POT1: variants seen among roughly 807,000 people sequenced by gnomAD.
POT1 encodes the protein protection of telomeres protein 1.
POT1 carries 47 observed loss-of-function variants against 78.5 expected under a neutral mutation model. The ratio of observed to expected loss-of-function variants is 0.60; its 90% confidence interval spans 0.47 to 0.76. The LOEUF (loss-of-function observed/expected upper bound fraction) is 0.76. POT1 is among the 30% of genes least tolerant of loss of function. The pLI is 0.00. For synonymous variants in POT1, 259 were observed against 260.7 expected, an observed-to-expected ratio of 0.99 and a Z score of 0.06; for missense variants, 646 against 749.9, an observed-to-expected ratio of 0.86 and a Z score of 1.62.
intron 2 of POT1, among the ~76,000 whole-genome samples, chr7:124,927,414 T>C (rs1797300459): frequency 6.6e-6 from 1 of 152,150 alleles, no homozygotes; most frequent in African/African-American, 2.4e-5. Context: ...TTTCCAGCTA[T>C]AAAATGAGAA....
intron 8 of POT1, 29 bp downstream of exon 8, chr7:124,863,321 T>C: frequency 6.3e-7 from 1 of 1,587,036 alleles, no homozygotes; most frequent in Non-Finnish European, 8.6e-7. Context: ...GGTGCTAACT[T>C]ATAATTCCCA....
At chr7:124,917,043 C>A (rs952048512) in intron 2 of POT1, among the ~76,000 whole-genome samples, 6 of 152,152 alleles carry the variant, frequency 3.9e-5, no homozygotes, top group African/African-American at 1.4e-4. Flanking sequence ...CAGAAAAAAA[C>A]ACCTTCTATC....
At chr7:124,888,355 C>T (rs1051396122) in intron 6 of POT1, among the ~76,000 whole-genome samples, 1 of 152,010 alleles carries the variant, frequency 6.6e-6, no homozygotes, top group East Asian at 1.9e-4. Flanking sequence ...ACCATACTGT[C>T]GCAATACTGT....
intron 13 of POT1, among the ~76,000 whole-genome samples, chr7:124,842,448 G>T (rs1257001490): frequency 6.6e-6 from 1 of 151,872 alleles, no homozygotes; most frequent in East Asian, 1.9e-4. Context: ...CACTTAATTA[G>T]ATATTTCAAG....
intron 6 of POT1, among the ~76,000 whole-genome samples, chr7:124,872,375 T>C (rs1795893603): frequency 1.3e-5 from 2 of 152,180 alleles, no homozygotes; most frequent in Admixed American, 1.3e-4. Flanking sequence ...ACAGTTTCAG[T>C]TTCCTGCAGT....
chr7:124,837,229 TTAAAGA>T (rs1252289106), intron 14 of POT1: 1 of 288,712 alleles, frequency 3.5e-6, no homozygotes, highest in African/African-American at 2.3e-5. Context: ...GTTATGAGAG[TTAAAGA>T]TAAAATACTA....
rs1297114703 is a variant in POT1 at position 124,912,115 on chromosome 7, T to C, written c.-154+3459A>G. Among the ~76,000 whole-genome samples the C allele has an allele frequency of 4.6e-5, 7 of 152,260 alleles. No homozygotes were observed. The East Asian group carries it at 1.2e-3, about 25-fold the overall frequency. On this transcript the variant is annotated intron_variant, in intron 3 of 18. Coordinates refer to ENST00000357628, the MANE Select transcript of POT1 (RefSeq NM_015450.3). The stretch of plus-strand genomic sequence containing the variant: ...TCACTGAGGCTGTATCTAATTACAA[T>C]AATAGTAATGACAATAATAATAGTT...
chr7:124,915,458 T>C (rs1234171632), intron 3 of POT1, 116 bp downstream of exon 3: 1 of 152,200 alleles, frequency 6.6e-6, no homozygotes, highest in Non-Finnish European at 1.5e-5. Context: ...TGCAATGGTC[T>C]AGATATGAGA....
Position 124,928,867 on chromosome 7 carries a change from A to G in POT1, c.-279T>C, listed in dbSNP as rs1362760639. Reference sequence around the variant, plus strand: ...ACCTGGCTGTAGGGATCCGAAATCTACTTTATGTAATTTACTCAGCGGCTG... The same window carrying G: ...ACCTGGCTGTAGGGATCCGAAATCTGCTTTATGTAATTTACTCAGCGGCTG... On this transcript the variant is annotated 5_prime_UTR_variant, in exon 2 of 19. Coordinates refer to ENST00000357628, the MANE Select transcript of POT1 (RefSeq NM_015450.3). The G allele has an allele frequency of 6.6e-6, 1 of 152,588 alleles. No homozygotes were observed. The highest frequency in any genetic ancestry group is 1.5e-5 in the Non-Finnish European group (1 of 68,028). 9.5% of individuals were successfully genotyped at this position (152,588 alleles called of 1,614,324 possible).
At chr7:124,890,880 A>G (rs117816218) in intron 6 of POT1, among the ~76,000 whole-genome samples, 1,627 of 152,024 alleles carry the variant, frequency 0.011, 25 homozygotes, top group Non-Finnish European at 0.014. Flanking sequence ...TTGAAGTCAG[A>G]AAAGATCTTG....
chr7:124,909,969 T>C (rs1307404319), intron 3 of POT1, among the ~76,000 whole-genome samples: 1 of 151,906 alleles, frequency 6.6e-6, no homozygotes, highest in African/African-American at 2.4e-5. Flanking sequence ...ATATCCAAGA[T>C]ATATTAGGTA....
chr7:124,903,230 C>T (rs1196202423), intron 3 of POT1, among the ~76,000 whole-genome samples: 2 of 152,194 alleles, frequency 1.3e-5, no homozygotes, highest in African/African-American at 4.8e-5. Context: ...ACATTCTTCT[C>T]AGCACCACAT....
intron 17 of POT1, among the ~76,000 whole-genome samples, chr7:124,826,823 C>T (rs959799131): frequency 7.5e-4 from 114 of 152,172 alleles, no homozygotes; most frequent in African/African-American, 2.7e-3. Flanking sequence ...GAGCTGAGAT[C>T]GTGCCACTGC....
chr7:124,906,485 G>C (rs1796768444), intron 3 of POT1, among the ~76,000 whole-genome samples: 1 of 120,512 alleles, frequency 8.3e-6, no homozygotes, highest in African/African-American at 3.2e-5. Flanking sequence ...ACCGGGGCTT[G>C]TCGTAGGGTG....
At chr7:124,891,773 T>C (rs985361311) in intron 6 of POT1, among the ~76,000 whole-genome samples, 8 of 149,658 alleles carry the variant, frequency 5.3e-5, no homozygotes. Flanking sequence ...TTAACTTTAA[T>C]TGCATACAAA....
At chr7:124,880,733 C>G (rs1796097915) in intron 6 of POT1, among the ~76,000 whole-genome samples, 1 of 152,010 alleles carries the variant, frequency 6.6e-6, no homozygotes, top group Middle Eastern at 3.2e-3. Context: ...ACAAGGCCAC[C>G]TCTTGCTTTT....
chr7:124,866,755 T>C (rs1340965927), intron 7 of POT1, among the ~76,000 whole-genome samples: 2 of 152,178 alleles, frequency 1.3e-5, no homozygotes, highest in Non-Finnish European at 2.9e-5. Context: ...CACTCTCTGA[T>C]CATAGCTACC....
intron 15 of POT1, among the ~76,000 whole-genome samples, chr7:124,832,252 C>CAAAAA (rs372881075): frequency 1.3e-5 from 1 of 75,612 alleles, no homozygotes; most frequent in Non-Finnish European, 2.4e-5. Context: ...ACACTGTCTC[C>CAAAAA]AAAAAAAAAA....
intron 14 of POT1, chr7:124,837,148 T>C (rs966514530): frequency 7.8e-6 from 2 of 257,202 alleles, no homozygotes; most frequent in East Asian, 1.2e-4. Flanking sequence ...CTTGAGTACT[T>C]CACCATTTTC....
Sources: gnomAD v4.1 joint callset for allele counts (sites outside exome capture counted in the v4.1 genomes callset) on GRCh38, gnomAD v4.1.1 for gene constraint, MANE v1.5 for transcripts, NCBI Gene and HGNC (gene_info 2026-07-23, HGNC 2026-07-21) for gene names.